Variants in FRMD6 observed in about 807,000 individuals in gnomAD.
FRMD6 encodes FERM domain-containing protein 6.
FRMD6 carries 37 observed loss-of-function variants against 73.2 expected under a neutral mutation model. That is an observed-to-expected ratio of 0.51 (90% confidence interval 0.39 to 0.66). The LOEUF (loss-of-function observed/expected upper bound fraction) is 0.66, where lower values mean the gene tolerates loss of function less well. FRMD6 is among the 30% of genes least tolerant of loss of function. The probability of loss-of-function intolerance (pLI) is 0.00; values close to 1 mark genes in which losing one functional copy is unlikely to be tolerated. For synonymous variants in FRMD6, 273 were observed against 282.2 expected, an observed-to-expected ratio of 0.97 and a Z score of 0.33; for missense variants, 714 against 780.5, an observed-to-expected ratio of 0.91 and a Z score of 1.02.
the FRMD6 span, among the ~76,000 whole-genome samples, chr14:51,426,358 C>T: frequency 6.6e-6 from 1 of 152,058 alleles, no homozygotes; most frequent in Non-Finnish European, 1.5e-5. Context: ...TCTGTGTGTC[C>T]TTCCCATCCA....
chr14:51,513,388 A>C (rs2140265117), intron 1 of FRMD6, among the ~76,000 whole-genome samples: 1 of 152,350 alleles, frequency 6.6e-6, no homozygotes, highest in South Asian at 2.1e-4. Context: ...TTCTAATCAG[A>C]GAATTCTGAG....
At chr14:51,416,488 T>A in the FRMD6 span, among the ~76,000 whole-genome samples, 1 of 152,244 alleles carries the variant, frequency 6.6e-6, no homozygotes, top group East Asian at 1.9e-4. Context: ...AATCCTGAGT[T>A]CTAGTTTGAT....
At chr14:51,653,916 C>T (rs551031529) in intron 1 of FRMD6, among the ~76,000 whole-genome samples, 1 of 152,278 alleles carries the variant, frequency 6.6e-6, no homozygotes, top group East Asian at 1.9e-4. Context: ...ATCAAATTAT[C>T]TGCAGGACAT....
intron 2 of FRMD6, among the ~76,000 whole-genome samples, chr14:51,613,732 A>G (rs1890603095): frequency 6.6e-6 from 1 of 152,124 alleles, no homozygotes. Context: ...CTTTGCTCTA[A>G]GAAAAAGAGC....
At chr14:51,663,667 C>T (rs1404155771) in intron 1 of FRMD6, among the ~76,000 whole-genome samples, 1 of 152,084 alleles carries the variant, frequency 6.6e-6, no homozygotes, top group African/African-American at 2.4e-5. Context: ...ACCTGGGTGA[C>T]AAAATAATCT....
At chr14:51,456,335 T>C in the FRMD6 span, among the ~76,000 whole-genome samples, 3 of 152,082 alleles carry the variant, frequency 2.0e-5, no homozygotes, top group African/African-American at 7.2e-5. Flanking sequence ...CAGTGTGTGA[T>C]GTTCCCCTCC....
chr14:51,483,993 A>G, the FRMD6 span, among the ~76,000 whole-genome samples: 1 of 152,314 alleles, frequency 6.6e-6, no homozygotes, highest in Non-Finnish European at 1.5e-5. Context: ...TCGCTTCTTT[A>G]TGAAGAGTGT....
At chr14:51,410,449 T>G in the FRMD6 span, among the ~76,000 whole-genome samples, 7 of 152,352 alleles carry the variant, frequency 4.6e-5, no homozygotes, top group South Asian at 1.4e-3. Context: ...ACCTTTAAAC[T>G]TTCATGTAAA....
the FRMD6 span, among the ~76,000 whole-genome samples, chr14:51,429,035 GAGAAA>G: frequency 0.013 from 1,802 of 140,534 alleles, 52 homozygotes; most frequent in Non-Finnish European, 0.019. Flanking sequence ...AGAGAGGGGA[GAGAAA>G]AGAAAAGGGA....
chr14:51,440,469 C>T, the FRMD6 span, among the ~76,000 whole-genome samples: 1 of 152,170 alleles, frequency 6.6e-6, no homozygotes, highest in African/African-American at 2.4e-5. Context: ...TTCCAAAAAT[C>T]AGAGTAGTGT....
the FRMD6 span, among the ~76,000 whole-genome samples, chr14:51,472,258 G>A: frequency 1.3e-5 from 2 of 151,884 alleles, no homozygotes; most frequent in African/African-American, 4.8e-5. Flanking sequence ...GGGTGTTCTA[G>A]GGACTTCTTT....
chr14:51,603,946 A>C lies in FRMD6; in HGVS notation c.-147+33536A>C, dbSNP rs1302103574. ...CCACGGTAATTTCTCTTGTGATACAAAAAAAAAAAAAAAGTCCCTAAGATG... is the reference window on the plus strand; with the variant it reads ...CCACGGTAATTTCTCTTGTGATACACAAAAAAAAAAAAAGTCCCTAAGATG... On this transcript the variant is annotated intron_variant, in intron 2 of 14. Coordinates refer to the FRMD6 transcript ENST00000356218. Among the ~76,000 whole-genome samples, 10 of 7,328 alleles carry C rather than the reference A, an allele frequency of 1.4e-3. No individual in the cohort carries two copies. The East Asian group carries it at 0.026, about 19-fold the overall frequency. The allele number at this position is 7,328 out of a possible 152,430, so 4.8% of individuals were successfully genotyped here.
intron 1 of FRMD6, among the ~76,000 whole-genome samples, chr14:51,661,315 T>C (rs1207534755): frequency 6.6e-6 from 1 of 152,180 alleles, no homozygotes; most frequent in African/African-American, 2.4e-5. Context: ...ATCACACACA[T>C]AATCCAAGAA....
chr14:51,435,646 G>GT, the FRMD6 span, among the ~76,000 whole-genome samples: 2 of 152,242 alleles, frequency 1.3e-5, no homozygotes, highest in East Asian at 3.9e-4. Flanking sequence ...CCTGGGAAGG[G>GT]TAGAGGGAAG....
At chr14:51,458,362 T>C in the FRMD6 span, among the ~76,000 whole-genome samples, 1 of 152,220 alleles carries the variant, frequency 6.6e-6, no homozygotes, top group Non-Finnish European at 1.5e-5. Flanking sequence ...GAGATGATCC[T>C]GATAGCATGT....
At chr14:51,552,623 A>G (rs974055903) in intron 1 of FRMD6, among the ~76,000 whole-genome samples, 1 of 152,246 alleles carries the variant, frequency 6.6e-6, no homozygotes, top group Non-Finnish European at 1.5e-5. Flanking sequence ...GTGGGGTCCA[A>G]TGGCACCAGC....
At chr14:51,434,100 GA>G in the FRMD6 span, among the ~76,000 whole-genome samples, 3 of 152,260 alleles carry the variant, frequency 2.0e-5, no homozygotes, top group South Asian at 6.2e-4. Context: ...TAAAAATAAG[GA>G]AGGGGGAGGA....
chr14:51,704,800 T>G lies in FRMD6; in HGVS notation c.423T>G (p.Leu141=). The G allele has an allele frequency of 6.2e-7, 1 of 1,613,358 alleles. No homozygotes were observed. The stretch of plus-strand genomic sequence containing the variant: ...ACTGGCACCTGAGAAAACAAGTTCT[T>G]CATTCTCAGTGTGTGCTCCGAGAGG... ...YYYWHLRKQV[L]HSQCVLREEA... Residue 141 remains leucine, a synonymous_variant, in exon 6 of 14, where the codon CTT becomes CTG. Coordinates refer to ENST00000344768, the MANE Select transcript of FRMD6 (RefSeq NM_001267046.2).
intron 1 of FRMD6, among the ~76,000 whole-genome samples, chr14:51,566,674 C>T (rs10484086): frequency 0.075 from 11,350 of 152,260 alleles, 502 homozygotes; most frequent in African/African-American, 0.13. Flanking sequence ...CCAATGTATC[C>T]GGTTGGTGCG....
Sources: allele counts gnomAD v4.1 joint callset (sites outside exome capture counted in the v4.1 genomes callset), GRCh38; gene constraint gnomAD v4.1.1; transcripts MANE v1.5; gene names NCBI Gene and HGNC (gene_info 2026-07-23, HGNC 2026-07-21).